Variants in RCOR1 observed in about 807,000 individuals in gnomAD.
RCOR1 encodes the protein REST corepressor 1, also known as REST corepressor.
In RCOR1, 12 loss-of-function variants were observed where a neutral mutation model predicts 64.0. The observed-to-expected ratio is 0.19, with a 90% CI of 0.12 to 0.30. RCOR1 has a LOEUF of 0.30. Among genes scored for constraint, RCOR1 ranks in the 10% least tolerant of loss-of-function variants. The probability of loss-of-function intolerance (pLI) is 1.00; values close to 1 mark genes in which losing one functional copy is unlikely to be tolerated. For missense variants in RCOR1, 502 were observed against 621.2 expected, an observed-to-expected ratio of 0.81 and a Z score of 2.04; for synonymous variants, 279 against 227.2, an observed-to-expected ratio of 1.23 and a Z score of -2.05.
chr14:102,655,610 T>A, intron 2 of RCOR1: 1 of 575,972 alleles, frequency 1.7e-6, no homozygotes. Flanking sequence ...TATTTCCTTC[T>A]AGCTTGTCTG....
chr14:102,603,351 G>T (rs1047445970), intron 2 of RCOR1, among the ~76,000 whole-genome samples: 6 of 151,456 alleles, frequency 4.0e-5, no homozygotes, highest in African/African-American at 1.5e-4. Flanking sequence ...TTGAGACAGG[G>T]TCTGGCTCTG....
rs142883479 is a variant in RCOR1 at position 102,700,979 on chromosome 14, G to A, written c.446-299G>A. Among the ~76,000 whole-genome samples, 11 of 152,294 alleles carry A rather than the reference G, an allele frequency of 7.2e-5. No individual in the cohort carries two copies. The East Asian group carries it at 9.6e-4, about 13-fold the overall frequency. On this transcript the variant is annotated intron_variant, in intron 3 of 11. Coordinates refer to ENST00000262241, the MANE Select transcript of RCOR1 (RefSeq NM_015156.4). ...GCAAGTCATATTTTACATGGATGGC[G>A]GCAGGCAAAGAGAGCTTGTGCAGGG...
At chr14:102,629,452 C>G (rs1425580941) in intron 2 of RCOR1, among the ~76,000 whole-genome samples, 1 of 151,912 alleles carries the variant, frequency 6.6e-6, no homozygotes, top group Non-Finnish European at 1.5e-5. Flanking sequence ...TCCCCCCCCC[C>G]CACCACTGCT....
chr14:102,593,719 TC>T (rs1202827558), intron 2 of RCOR1, among the ~76,000 whole-genome samples: 1 of 151,902 alleles, frequency 6.6e-6, no homozygotes, highest in African/African-American at 2.4e-5. Context: ...ACTTAGGAGG[TC>T]CCCAGAGACC....
chr14:102,611,635 C>CTTA (rs1280717552), intron 2 of RCOR1, among the ~76,000 whole-genome samples: 1 of 152,122 alleles, frequency 6.6e-6, no homozygotes, highest in Non-Finnish European at 1.5e-5. Context: ...TGAAGTCTTG[C>CTTA]TTTTAAGCTC....
At chr14:102,616,513 C>A (rs1235980694) in intron 2 of RCOR1, among the ~76,000 whole-genome samples, 2 of 152,096 alleles carry the variant, frequency 1.3e-5, no homozygotes, top group African/African-American at 4.8e-5. Flanking sequence ...TCAAGCAGTC[C>A]TCCGGCCTTG....
chr14:102,686,783 T>C (rs1299509129), intron 3 of RCOR1, among the ~76,000 whole-genome samples: 2 of 152,236 alleles, frequency 1.3e-5, no homozygotes, highest in South Asian at 2.1e-4. Flanking sequence ...TGCTGAATAA[T>C]ATACCGTTGT....
chr14:102,708,370 G>T, intron 5 of RCOR1, 95 bp from the exon 6 acceptor site: 3 of 726,082 alleles, frequency 4.1e-6, no homozygotes, highest in Non-Finnish European at 7.4e-6. Flanking sequence ...AAAGTGCTGG[G>T]ATTACAGGCG....
At chr14:102,610,708 G>A (rs1253110011) in intron 2 of RCOR1, among the ~76,000 whole-genome samples, 1 of 151,940 alleles carries the variant, frequency 6.6e-6, no homozygotes, top group South Asian at 2.1e-4. Context: ...GACTGTAGGC[G>A]CCCACCACCA....
chr14:102,625,644 C>T (rs1052318365), intron 2 of RCOR1, among the ~76,000 whole-genome samples: 10 of 151,800 alleles, frequency 6.6e-5, no homozygotes, highest in African/African-American at 2.4e-4. Flanking sequence ...TGCTAGATTA[C>T]AGGCATGAGC....
chr14:102,610,937 T>A (rs971681253), intron 2 of RCOR1, among the ~76,000 whole-genome samples: 15 of 151,804 alleles, frequency 9.9e-5, no homozygotes, highest in Admixed American at 5.3e-4. Flanking sequence ...TGGGTACAGC[T>A]GAGAAATGTA....
At position 102,680,115 on chromosome 14, in the gene RCOR1, ACTTTATCCCT is replaced by A. The variant is rs1436251134; in HGVS notation, c.362-1779_362-1770del. Among the ~76,000 whole-genome samples, 59 of 152,046 alleles carry A rather than the reference ACTTTATCCCT, an allele frequency of 3.9e-4. No individual in the cohort carries two copies. In the East Asian group the frequency reaches 9.3e-3, roughly 24 times the overall value. On this transcript the variant is annotated intron_variant, in intron 2 of 11. Coordinates refer to ENST00000262241, the MANE Select transcript of RCOR1 (RefSeq NM_015156.4). ...TTGTAGTTTTCAGTGTACACATCTT[ACTTTATCCCT>A]AAGTTATTTCATATTTGATGCTAAT...
In RCOR1 at chr14:102,707,451, A is replaced by G; in HGVS notation, c.599A>G (p.Lys200Arg). Residue 200 changes from lysine to arginine, a missense_variant, in exon 5 of 12, where the codon AAA (lysine) becomes AGA (arginine). Lys to Arg is a conservative substitution (Grantham distance 26, BLOSUM62 2). Coordinates refer to ENST00000262241, the MANE Select transcript of RCOR1 (RefSeq NM_015156.4). ...CCAGATGAGTGGACTGTGGAAGATA[A>G]AGTCTTATTTGAGCAAGCCTTTAGT... Reference protein sequence around the residue: ...PFPDEWTVEDKVLFEQAFSFH... With the variant: ...PFPDEWTVEDRVLFEQAFSFH... 6.2e-7 allele frequency: 1 copy of G among 1,612,654 alleles called. No homozygotes were observed. The highest frequency in any genetic ancestry group is 1.1e-5 in the South Asian group (1 of 90,590).
intron 3 of RCOR1, among the ~76,000 whole-genome samples, chr14:102,686,842 C>T (rs1895431827): frequency 2.6e-5 from 4 of 152,216 alleles, no homozygotes; most frequent in Admixed American, 2.6e-4. Flanking sequence ...AGGAACCCCT[C>T]TCCCACCCCC....
intron 2 of RCOR1, among the ~76,000 whole-genome samples, chr14:102,650,496 AAG>A (rs1309628409): frequency 6.6e-6 from 1 of 152,182 alleles, no homozygotes; most frequent in Admixed American, 6.5e-5. Context: ...GGATCAGAGG[AAG>A]AGAGTAGGAA....
chr14:102,637,982 T>G (rs1294623500), intron 2 of RCOR1, among the ~76,000 whole-genome samples: 2 of 152,238 alleles, frequency 1.3e-5, no homozygotes, highest in African/African-American at 2.4e-5. Context: ...CCATTTCTTT[T>G]TGTTCCAATT....
intron 3 of RCOR1, 139 bp downstream of exon 3, chr14:102,682,117 A>G (rs1044038075): frequency 1.3e-5 from 7 of 540,368 alleles, no homozygotes; most frequent in African/African-American, 3.9e-5. Flanking sequence ...TTTAAAGTGT[A>G]TATTTCTTTT....
At chr14:102,686,112 C>T (rs986287641) in intron 3 of RCOR1, among the ~76,000 whole-genome samples, 9 of 152,020 alleles carry the variant, frequency 5.9e-5, no homozygotes, top group African/African-American at 2.2e-4. Context: ...AAAATACATA[C>T]ATTTTAAGAG....
chr14:102,662,250 C>T (rs2139940974), intron 2 of RCOR1: 1 of 524,410 alleles, frequency 1.9e-6, no homozygotes, highest in South Asian at 1.4e-5. Flanking sequence ...TTAGATGACC[C>T]CAATTTTGTT....
Sources: allele counts gnomAD v4.1 joint callset (sites outside exome capture counted in the v4.1 genomes callset), GRCh38; gene constraint gnomAD v4.1.1; transcripts MANE v1.5; gene names NCBI Gene and HGNC (gene_info 2026-07-23, HGNC 2026-07-21).